The following KRTAP1-3 variants were observed in gnomAD, a reference collection of about 807,000 sequenced individuals.
The protein encoded by KRTAP1-3 is keratin associated protein 1-3.
A neutral mutation model predicts 11.8 loss-of-function variants in KRTAP1-3; 10 were observed. The ratio of observed to expected loss-of-function variants is 0.85; its 90% CI spans 0.52 to 1.44. The LOEUF (loss-of-function observed/expected upper bound fraction) is 1.44, where lower values mean the gene tolerates loss of function less well. KRTAP1-3 is among the 40% of genes most tolerant of loss of function. The pLI, the probability that KRTAP1-3 is intolerant of heterozygous loss-of-function variation, is 0.00. For synonymous variants in KRTAP1-3, 74 were observed against 77.3 expected (o/e 0.96, Z 0.23); for missense variants, 176 against 217.2 (o/e 0.81, Z 1.19).
chr17:41,034,370 T>C lies in KRTAP1-3; in HGVS notation c.452A>G (p.Gln151Arg), dbSNP rs946562358. 6 of 1,606,568 alleles carry C rather than the reference T, an allele frequency of 3.7e-6. No individual in the cohort carries two copies. Among genetic ancestry groups the C allele is most frequent in the Non-Finnish European group, 5.1e-6 (6 of 1,174,864 alleles). The stretch of plus-strand genomic sequence containing the variant: ...GCAGCAGACTGGGCGGCAGCAGGAC[T>C]GTCCACAGTAGGATGGGCGGCAGCA... ...ASCCRPSYCG[Q>R]SCCRPVCCCY... The change falls in exon 1 of 1, where the codon CAG becomes CGG. Residue 151 changes from glutamine to arginine, a missense_variant. By Grantham distance (43) the Gln-to-Arg change is conservative. Coordinates refer to ENST00000344363, the MANE Select transcript of KRTAP1-3 (RefSeq NM_030966.2).
In KRTAP1-3 at chr17:41,034,373, C is replaced by A; in HGVS notation, c.449G>T (p.Gly150Val). Residue 150 changes from glycine to valine, a missense_variant, in exon 1 of 1, where the codon GGA becomes GTA. Gly to Val is a moderately radical substitution (Grantham distance 109, BLOSUM62 -3). Transcript: ENST00000344363. ...GCAGACTGGGCGGCAGCAGGACTGTCCACAGTAGGATGGGCGGCAGCAGGA... is the reference window on the plus strand; with the variant it reads ...GCAGACTGGGCGGCAGCAGGACTGTACACAGTAGGATGGGCGGCAGCAGGA... ...EASCCRPSYC[G>V]QSCCRPVCCC... 3.1e-6 allele frequency: 5 copies of A among 1,610,816 alleles called. No homozygotes were observed. Among genetic ancestry groups the A allele is most frequent in the Non-Finnish European group, 4.2e-6 (5 of 1,178,180 alleles).
Position 41,034,834 on chromosome 17 carries a change from T to A in KRTAP1-3, c.-13A>T. The A allele has an allele frequency of 6.2e-7, 1 of 1,613,364 alleles. No homozygotes were observed. The highest frequency in any genetic ancestry group is 8.5e-7 in the Non-Finnish European group (1 of 1,179,402). On this transcript the variant is annotated 5_prime_UTR_variant, in exon 1 of 1. Coordinates refer to ENST00000344363, the MANE Select transcript of KRTAP1-3 (RefSeq NM_030966.2). ...GGCAGCAGGTCATGGTGTTGGGAGC[T>A]GGTATGAAGTCTGGGTTGCTTGGAG...
chr17:41,034,173 A>G lies in KRTAP1-3; in HGVS notation c.*145T>C. On this transcript the variant is annotated 3_prime_UTR_variant, in exon 1 of 1. Transcript: ENST00000344363. ...AATTGAAAGGAATCAGATAATTCTGAGGCCAAAATATTTGGTAACCCCCAT... is the reference window on the plus strand; with the variant it reads ...AATTGAAAGGAATCAGATAATTCTGGGGCCAAAATATTTGGTAACCCCCAT... The G allele has an allele frequency of 9.0e-7, 1 of 1,112,852 alleles. No homozygotes were observed. Among genetic ancestry groups the G allele is most frequent in the Non-Finnish European group, 1.2e-6 (1 of 802,702 alleles). The allele number at this position is 1,112,852 out of a possible 1,614,324, so 68.9% of individuals were successfully genotyped here.
rs1229386348 is a variant in KRTAP1-3 at position 41,034,189 on chromosome 17, T to C, written c.*129A>G. Reference sequence around the variant, plus strand: ...ATAATTCTGAGGCCAAAATATTTGGTAACCCCCATAAGAAAGACAAAGAAA... The same window carrying C: ...ATAATTCTGAGGCCAAAATATTTGGCAACCCCCATAAGAAAGACAAAGAAA... On this transcript the variant is annotated 3_prime_UTR_variant, in exon 1 of 1. Transcript: ENST00000344363. 2 of 1,239,474 alleles carry C rather than the reference T, an allele frequency of 1.6e-6. No individual in the cohort carries two copies. Among genetic ancestry groups the C allele is most frequent in the Non-Finnish European group, 2.2e-6 (2 of 914,104 alleles). 76.8% of individuals were successfully genotyped at this position (1,239,474 alleles called of 1,614,324 possible).
At position 41,034,292 on chromosome 17, in the gene KRTAP1-3, C is replaced by A; in HGVS notation, c.*26G>T. The A allele has an allele frequency of 6.5e-7, 1 of 1,528,948 alleles. No homozygotes were observed. The highest frequency in any genetic ancestry group is 1.3e-5 in the South Asian group (1 of 76,674). The allele number at this position is 1,528,948 out of a possible 1,614,324, so 94.7% of individuals were successfully genotyped here. ...TGAATGGAACTGAAAGTGGAAATTT[C>A]AAGTTGAAAATCAGCAAACTGGCTT... On this transcript the variant is annotated 3_prime_UTR_variant, in exon 1 of 1. Transcript: ENST00000344363.
rs78298475 is a variant in KRTAP1-3 at position 41,034,701 on chromosome 17, G to A, written c.121C>T (p.Gln41Ter). 8.2e-7 allele frequency: 1 copy of A among 1,225,530 alleles called. No individual in the cohort carries two copies. The highest frequency in any genetic ancestry group is 1.1e-6 in the Non-Finnish European group (1 of 942,636). 75.9% of individuals were successfully genotyped at this position (1,225,530 alleles called of 1,614,324 possible). A position where few individuals can be genotyped will look rare whatever the true frequency, so the allele number is the denominator to read the frequency against. The stretch of plus-strand genomic sequence containing the variant: ...CTAGGAAATCCGCAGAAGCTGGTCT[G>A]GCAGCAGCTTGGCTGGCAGCAGCTG... ...ETSCCQPSCC[Q>*]TSFCGFPSFS... Residue 41 changes from glutamine to a stop codon, truncating the protein, a stop_gained, in exon 1 of 1, where the codon CAG (glutamine) becomes TAG (stop). Transcript: ENST00000344363. LOFTEE classifies it high-confidence loss of function.
At position 41,034,338 on chromosome 17, in the gene KRTAP1-3, A is replaced by G; in HGVS notation, c.484T>C (p.Ser162Pro). The G allele has an allele frequency of 6.3e-7, 1 of 1,582,160 alleles. No individual in the cohort carries two copies. Among genetic ancestry groups the G allele is most frequent in the Non-Finnish European group, 8.6e-7 (1 of 1,160,212 alleles). ...SCCRPVCCCY[S>P]CEPTC The stretch of plus-strand genomic sequence containing the variant: ...GGCTTTTAGCAGGTGGGCTCACAGG[A>G]GTAGCAGCAGCAGACTGGGCGGCAG... Residue 162 changes from serine to proline, a missense_variant, in exon 1 of 1, where the codon TCC becomes CCC. Ser to Pro is a moderately conservative substitution (Grantham distance 74, BLOSUM62 -1). Transcript: ENST00000344363.
rs1346977134 is a variant in KRTAP1-3, at chr17:41,033,981, T to G, written c.*337A>C. The G allele has an allele frequency of 3.2e-6, 1 of 313,864 alleles. No homozygotes were observed. The highest frequency in any genetic ancestry group is 4.5e-5 in the Admixed American group (1 of 22,382). The allele number at this position is 313,864 out of a possible 1,614,324, so 19.4% of individuals were successfully genotyped here. ...AGGACGGTGGGATACAGGAAGTGAG[T>G]GTCCTGAGAAGGACAGATGGCTCTT... On this transcript the variant is annotated 3_prime_UTR_variant, in exon 1 of 1. Transcript: ENST00000344363.
In KRTAP1-3 at chr17:41,034,699, C is replaced by CTAGCAGCAGCT. The variant is rs2012529284; in HGVS notation, c.122_123insAGCTGCTGCTA (p.Thr42AlafsTer65). ...AGCTAGGAAATCCGCAGAAGCTGGT[C>CTAGCAGCAGCT]TGGCAGCAGCTTGGCTGGCAGCAGC... is the stretch of plus-strand genomic sequence containing the variant. On this transcript the variant is annotated frameshift_variant, in exon 1 of 1. Coordinates refer to ENST00000344363, the MANE Select transcript of KRTAP1-3 (RefSeq NM_030966.2). LOFTEE classifies it high-confidence loss of function. 2 of 1,500,914 alleles carry CTAGCAGCAGCT rather than the reference C, an allele frequency of 1.3e-6. No homozygotes were observed. The highest frequency in any genetic ancestry group is 2.5e-5 in the East Asian group (1 of 39,772). The allele number at this position is 1,500,914 out of a possible 1,614,324, so 93.0% of individuals were successfully genotyped here.
In KRTAP1-3 at chr17:41,034,871, T is replaced by C. The variant is rs1457461216; in HGVS notation, c.-50A>G. ...TGGGTTGCTTGGAGGAGTTTCTGAGTTTTGGTGATGGCTGCCACATTGGGC... is the reference window on the plus strand; with the variant it reads ...TGGGTTGCTTGGAGGAGTTTCTGAGCTTTGGTGATGGCTGCCACATTGGGC... On this transcript the variant is annotated 5_prime_UTR_variant, in exon 1 of 1. Coordinates refer to ENST00000344363, the MANE Select transcript of KRTAP1-3 (RefSeq NM_030966.2). 1 of 1,602,300 alleles carries C rather than the reference T, an allele frequency of 6.2e-7. No homozygotes were observed. The highest frequency in any genetic ancestry group is 1.7e-4 in the Middle Eastern group (1 of 6,016).
chr17:41,034,346 C>A lies in KRTAP1-3; in HGVS notation c.476G>T (p.Cys159Phe). ...GCAGGTGGGCTCACAGGAGTAGCAGCAGCAGACTGGGCGGCAGCAGGACTG... is the reference window on the plus strand; with the variant it reads ...GCAGGTGGGCTCACAGGAGTAGCAGAAGCAGACTGGGCGGCAGCAGGACTG... The part of the protein sequence containing the change: ...CGQSCCRPVC[C>F]CYSCEPTC Residue 159 changes from cysteine to phenylalanine, a missense_variant, in exon 1 of 1, where the codon TGC becomes TTC. Coordinates refer to ENST00000344363, the MANE Select transcript of KRTAP1-3 (RefSeq NM_030966.2). The A allele has an allele frequency of 2.5e-6, 4 of 1,587,794 alleles. No individual in the cohort carries two copies. The highest frequency in any genetic ancestry group is 3.4e-6 in the Non-Finnish European group (4 of 1,163,024).
rs1270337397 is a variant in KRTAP1-3, at chr17:41,034,351, G to C, written c.471C>G (p.Val157=). The change falls in exon 1 of 1, where the codon GTC becomes GTG. Residue 157 remains valine, a synonymous_variant. Transcript: ENST00000344363. The part of the protein sequence containing the change: ...SYCGQSCCRP[V]CCCYSCEPTC ...TGGGCTCACAGGAGTAGCAGCAGCA[G>C]ACTGGGCGGCAGCAGGACTGTCCAC... 6.3e-7 allele frequency: 1 copy of C among 1,592,082 alleles called. No homozygotes were observed. Among genetic ancestry groups the C allele is most frequent in the African/African-American group, 1.3e-5 (1 of 74,720 alleles).
rs2012535965 is a variant in KRTAP1-3, at chr17:41,034,833, C to T, written c.-12G>A. On this transcript the variant is annotated 5_prime_UTR_variant, in exon 1 of 1. Transcript: ENST00000344363. ...TGGCAGCAGGTCATGGTGTTGGGAG[C>T]TGGTATGAAGTCTGGGTTGCTTGGA... 1 of 1,613,782 alleles carries T rather than the reference C, an allele frequency of 6.2e-7. No individual in the cohort carries two copies. The highest frequency in any genetic ancestry group is 8.5e-7 in the Non-Finnish European group (1 of 1,179,792).
chr17:41,034,192 C>G lies in KRTAP1-3; in HGVS notation c.*126G>C. ...ATTCTGAGGCCAAAATATTTGGTAACCCCCATAAGAAAGACAAAGAAAGGT... is the reference window on the plus strand; with the variant it reads ...ATTCTGAGGCCAAAATATTTGGTAAGCCCCATAAGAAAGACAAAGAAAGGT... On this transcript the variant is annotated 3_prime_UTR_variant, in exon 1 of 1. Coordinates refer to ENST00000344363, the MANE Select transcript of KRTAP1-3 (RefSeq NM_030966.2). 7.9e-7 allele frequency: 1 copy of G among 1,258,326 alleles called. No homozygotes were observed. The highest frequency in any genetic ancestry group is 2.5e-5 in the East Asian group (1 of 39,820). 77.9% of individuals were successfully genotyped at this position (1,258,326 alleles called of 1,614,324 possible). A position where few individuals can be genotyped will look rare whatever the true frequency, so the allele number is the denominator to read the frequency against.
chr17:41,034,698 T>G lies in KRTAP1-3; in HGVS notation c.124A>C (p.Thr42Pro), dbSNP rs944608977. 6 of 1,501,382 alleles carry G rather than the reference T, an allele frequency of 4.0e-6. No homozygotes were observed. The highest frequency in any genetic ancestry group is 3.6e-6 in the Non-Finnish European group (4 of 1,119,016). The allele number at this position is 1,501,382 out of a possible 1,614,324, so 93.0% of individuals were successfully genotyped here. A position where few individuals can be genotyped will look rare whatever the true frequency, so the allele number is the denominator to read the frequency against. ...AAGCTAGGAAATCCGCAGAAGCTGG[T>G]CTGGCAGCAGCTTGGCTGGCAGCAG... ...TSCCQPSCCQ[T>P]SFCGFPSFST... is the part of the protein sequence containing the mutation. The change falls in exon 1 of 1, where the codon ACC (threonine) becomes CCC (proline). Residue 42 changes from threonine (T) to proline (P), a missense_variant. By Grantham distance (38) the Thr-to-Pro change is conservative. Transcript: ENST00000344363.
chr17:41,034,423 G>A lies in KRTAP1-3; in HGVS notation c.399C>T (p.Cys133=). The change falls in exon 1 of 1, where the codon TGC becomes TGT. Residue 133 remains cysteine (C), a synonymous_variant. Transcript: ENST00000344363. ...AGGCCTCGGCGTGGTGCAGCTGGCA[G>A]CAGGTTGGGGGTGTGCAGCTCACCA... ...CCVVSCTPPT[C]CQLHHAEASC... 1 of 1,613,752 alleles carries A rather than the reference G, an allele frequency of 6.2e-7. No homozygotes were observed. Among genetic ancestry groups the A allele is most frequent in the Non-Finnish European group, 8.5e-7 (1 of 1,179,914 alleles).
rs781379634 is a variant in KRTAP1-3, at chr17:41,034,675, G to A, written c.147C>T (p.Ser49=). Reference sequence around the variant, plus strand: ...AGCTGCAGGTCCCACTAGTTGAGAAGCTAGGAAATCCGCAGAAGCTGGTCT... The same window carrying A: ...AGCTGCAGGTCCCACTAGTTGAGAAACTAGGAAATCCGCAGAAGCTGGTCT... The part of the protein sequence containing the change: ...CCQTSFCGFP[S]FSTSGTCSSS... The change falls in exon 1 of 1, where the codon AGC becomes AGT. Residue 49 remains serine, a synonymous_variant. Coordinates refer to ENST00000344363, the MANE Select transcript of KRTAP1-3 (RefSeq NM_030966.2). 6.8e-7 allele frequency: 1 copy of A among 1,478,730 alleles called. No homozygotes were observed. The highest frequency in any genetic ancestry group is 1.5e-5 in the South Asian group (1 of 65,708). 91.6% of individuals were successfully genotyped at this position (1,478,730 alleles called of 1,614,324 possible).
Position 41,034,312 on chromosome 17 carries a change from T to C in KRTAP1-3, c.*6A>G. The C allele has an allele frequency of 6.5e-7, 1 of 1,537,458 alleles. No individual in the cohort carries two copies. Among genetic ancestry groups the C allele is most frequent in the Non-Finnish European group, 8.8e-7 (1 of 1,142,774 alleles). Reference sequence around the variant, plus strand: ...AATTTCAAGTTGAAAATCAGCAAACTGGCTTTTAGCAGGTGGGCTCACAGG... The same window carrying C: ...AATTTCAAGTTGAAAATCAGCAAACCGGCTTTTAGCAGGTGGGCTCACAGG... On this transcript the variant is annotated 3_prime_UTR_variant, in exon 1 of 1. Transcript: ENST00000344363.
rs764154689 is a variant in KRTAP1-3, at chr17:41,034,408, G to A, written c.414C>T (p.His138=). Residue 138 remains histidine, a synonymous_variant, in exon 1 of 1, where the codon CAC becomes CAT. Transcript: ENST00000344363. ...CTPPTCCQLH[H]AEASCCRPSY... ...ATGGGCGGCAGCAGGAGGCCTCGGCGTGGTGCAGCTGGCAGCAGGTTGGGG... is the reference window on the plus strand; with the variant it reads ...ATGGGCGGCAGCAGGAGGCCTCGGCATGGTGCAGCTGGCAGCAGGTTGGGG... 154 of 1,613,420 alleles carry A rather than the reference G, an allele frequency of 9.5e-5. No individual in the cohort carries two copies. Among genetic ancestry groups the A allele is most frequent in the Non-Finnish European group, 1.2e-4 (146 of 1,179,748 alleles).
Sources: gnomAD v4.1 joint callset for allele counts on GRCh38, gnomAD v4.1.1 for gene constraint, MANE v1.5 for transcripts, NCBI Gene and HGNC (gene_info 2026-07-23, HGNC 2026-07-21) for gene names.